MROH9: variants seen among roughly 807,000 people sequenced by gnomAD.
MROH9 encodes the protein maestro heat-like repeat-containing protein family member 9.
Under a neutral mutation model 98.2 loss-of-function variants are expected in MROH9, and 92 were observed. The ratio of observed to expected loss-of-function variants is 0.94; its 90% CI spans 0.79 to 1.11. MROH9 has a LOEUF of 1.11. Among genes scored for constraint, MROH9 ranks in the 50% most tolerant of loss-of-function variants. MROH9 has a pLI of 0.00. For synonymous variants in MROH9, 397 were observed against 368.9 expected (o/e 1.08, Z -0.87); for missense variants, 1,057 against 1,014.8 (o/e 1.04, Z -0.57).
chr1:171,032,717 T>A (rs1652964132), intron 20 of MROH9, among the ~76,000 whole-genome samples: 1 of 152,008 alleles, frequency 6.6e-6, no homozygotes, highest in African/African-American at 2.4e-5. Context: ...TTGTATAGGG[T>A]TTCTGACAAA....
chr1:170,971,861 C>G lies in MROH9; in HGVS notation c.594C>G (p.Leu198=). The G allele has an allele frequency of 6.2e-7, 1 of 1,614,020 alleles. No homozygotes were observed. The highest frequency in any genetic ancestry group is 8.5e-7 in the Non-Finnish European group (1 of 1,179,922). ...KQASLGMCHL[L]YIARCQNDIG... ...CATCATTGGGAATGTGTCACCTCCT[C>G]TACATTGCACGGTGTCAGAACGGTA... Residue 198 remains leucine (L), a synonymous_variant, in exon 8 of 22, where the codon CTC becomes CTG. Coordinates refer to ENST00000367759, the MANE Select transcript of MROH9 (RefSeq NM_001163629.2).
At position 170,996,213 on chromosome 1, in the gene MROH9, C is replaced by T. The variant is rs117883016; in HGVS notation, c.1338-294C>T. On this transcript the variant is annotated intron_variant, in intron 13 of 21. Coordinates refer to ENST00000367759, the MANE Select transcript of MROH9 (RefSeq NM_001163629.2). ...AATGGACATCTTTAGCAAGTCATTGCGTCATTGAACATCTCTTTCAAATTA... is the reference window on the plus strand; with the variant it reads ...AATGGACATCTTTAGCAAGTCATTGTGTCATTGAACATCTCTTTCAAATTA... Among the ~76,000 whole-genome samples the T allele has an allele frequency of 4.8e-3, 726 of 152,130 alleles. 11 individuals carry two copies. The highest frequency in any genetic ancestry group is 0.015 in the African/African-American group (639 of 41,490).
chr1:171,024,015 G>A (rs957034554), intron 17 of MROH9, among the ~76,000 whole-genome samples: 3 of 151,938 alleles, frequency 2.0e-5, no homozygotes, highest in African/African-American at 4.8e-5. Flanking sequence ...TTGTCTTTCT[G>A]TCCCTGACTG....
At chr1:170,937,287 C>T (rs1158608896) in intron 1 of MROH9, among the ~76,000 whole-genome samples, 3 of 152,180 alleles carry the variant, frequency 2.0e-5, no homozygotes, top group Admixed American at 2.0e-4. Flanking sequence ...TGTTTACTCT[C>T]TTCCTTGATG....
intron 1 of MROH9, among the ~76,000 whole-genome samples, chr1:170,945,304 A>G (rs1019539699): frequency 6.6e-6 from 1 of 152,136 alleles, no homozygotes; most frequent in South Asian, 2.1e-4. Flanking sequence ...GACCCTGAGC[A>G]GACTACAGCT....
intron 12 of MROH9, among the ~76,000 whole-genome samples, chr1:170,994,012 T>G (rs1338915740): frequency 6.6e-6 from 1 of 152,234 alleles, no homozygotes; most frequent in Non-Finnish European, 1.5e-5. Context: ...ATTATTTTTA[T>G]GCATTTTGCA....
In MROH9 at chr1:170,954,460, T is replaced by C. The variant is rs146734190; in HGVS notation, c.73-4001T>C. Among the ~76,000 whole-genome samples the C allele has an allele frequency of 3.4e-3, 511 of 152,230 alleles. 1 individual carries two copies. Among genetic ancestry groups the C allele is most frequent in the African/African-American group, 0.012 (493 of 41,556 alleles). ...TATTGTGAATATGCTGCAATGAACA[T>C]GGGAGTAAAGATGTCTCTTTGATAT... On this transcript the variant is annotated intron_variant, in intron 3 of 21. Coordinates refer to ENST00000367759, the MANE Select transcript of MROH9 (RefSeq NM_001163629.2).
chr1:170,950,502 A>G (rs1027458808), intron 3 of MROH9, among the ~76,000 whole-genome samples: 2 of 149,726 alleles, frequency 1.3e-5, no homozygotes, highest in South Asian at 2.1e-4. Flanking sequence ...ACTGCTCACA[A>G]AAGAGTATCA....
intron 10 of MROH9, 108 bp from the exon 11 acceptor site, chr1:170,989,747 C>G: frequency 2.0e-6 from 2 of 994,846 alleles, no homozygotes; most frequent in Non-Finnish European, 3.0e-6. Flanking sequence ...TTAGTTGCTG[C>G]TTTGGTAATT....
At chr1:171,013,346 A>G (rs974474321) in intron 15 of MROH9, among the ~76,000 whole-genome samples, 16 of 152,186 alleles carry the variant, frequency 1.1e-4, no homozygotes, top group African/African-American at 3.9e-4. Flanking sequence ...CAGTGGCGGC[A>G]TTAGATTTTC....
chr1:170,956,706 G>T (rs1649776597), intron 3 of MROH9, among the ~76,000 whole-genome samples: 1 of 144,778 alleles, frequency 6.9e-6, no homozygotes, highest in Admixed American at 7.2e-5. Context: ...CATTAATCTT[G>T]TATCTGGAAA....
intron 21 of MROH9, among the ~76,000 whole-genome samples, chr1:171,063,053 G>A (rs1225149813): frequency 6.6e-6 from 1 of 152,036 alleles, no homozygotes; most frequent in African/African-American, 2.4e-5. Flanking sequence ...CCTGCTAAAT[G>A]TCAAACACTA....
At chr1:170,984,858 G>A (rs1050283209) in intron 9 of MROH9, among the ~76,000 whole-genome samples, 2 of 152,140 alleles carry the variant, frequency 1.3e-5, no homozygotes, top group Non-Finnish European at 2.9e-5. Flanking sequence ...GTAGTAGATG[G>A]AACAGGTAAA....
chr1:171,051,633 T>C (rs1653668290), intron 20 of MROH9, among the ~76,000 whole-genome samples: 1 of 152,174 alleles, frequency 6.6e-6, no homozygotes, highest in Admixed American at 6.5e-5. Flanking sequence ...AGCTAATGCA[T>C]GTGAGGCTTA....
In MROH9 at chr1:170,955,811, T is replaced by C. The variant is rs112716267; in HGVS notation, c.73-2650T>C. On this transcript the variant is annotated intron_variant, in intron 3 of 21. Coordinates refer to ENST00000367759, the MANE Select transcript of MROH9 (RefSeq NM_001163629.2). ...GTTCCTTTTGCCGTACAAAAGCTCT[T>C]TAGTTTAATTAAGTCCCAGCTATTT... Among the ~76,000 whole-genome samples, 1,125 of 152,330 alleles carry C rather than the reference T, an allele frequency of 7.4e-3. 23 individuals are homozygous for C. Among genetic ancestry groups the C allele is most frequent in the African/African-American group, 0.026 (1,066 of 41,566 alleles).
intron 14 of MROH9, 47 bp downstream of exon 14, chr1:170,996,691 T>C: frequency 6.3e-7 from 1 of 1,576,948 alleles, no homozygotes; most frequent in Admixed American, 1.8e-5. Flanking sequence ...CTATCCTACC[T>C]TCTCCAACTT....
At chr1:170,949,488 G>T (rs189729231) in intron 3 of MROH9, among the ~76,000 whole-genome samples, 34 of 152,156 alleles carry the variant, frequency 2.2e-4, no homozygotes, top group African/African-American at 7.5e-4. Flanking sequence ...CAGGAGAGTG[G>T]TGTTGCTCCA....
intron 12 of MROH9, among the ~76,000 whole-genome samples, chr1:170,992,748 G>A (rs182479913): frequency 1.2e-4 from 18 of 152,206 alleles, no homozygotes; most frequent in Non-Finnish European, 4.4e-5. Context: ...GAAAAGTCTC[G>A]TATTGATGGA....
intron 1 of MROH9, among the ~76,000 whole-genome samples, chr1:170,943,131 A>T (rs35467028): frequency 0.06 from 9,103 of 152,228 alleles, 368 homozygotes; most frequent in East Asian, 0.12. Context: ...GTAGAAAATT[A>T]AAAAAATCAA....
Sources: gnomAD v4.1 joint callset for allele counts (sites outside exome capture counted in the v4.1 genomes callset) on GRCh38, gnomAD v4.1.1 for gene constraint, MANE v1.5 for transcripts, NCBI Gene and HGNC (gene_info 2026-07-23, HGNC 2026-07-21) for gene names.